The following TCF12 variants were observed in gnomAD, a reference collection of about 807,000 sequenced individuals.
TCF12 encodes the protein DNA-binding protein HTF4.
TCF12 carries 45 observed loss-of-function variants against 86.0 expected under a neutral mutation model. The observed-to-expected ratio is 0.52, with a 90% confidence interval of 0.41 to 0.67. TCF12 has a LOEUF of 0.67. Ranked by LOEUF, TCF12 falls within the 30% of genes least tolerant of loss-of-function variation. TCF12 has a pLI of 0.00. For missense variants in TCF12, 881 were observed against 859.9 expected, an observed-to-expected ratio of 1.02 and a Z score of -0.31; for synonymous variants, 330 against 299.6, an observed-to-expected ratio of 1.10 and a Z score of -1.05.
intron 12 of TCF12, among the ~76,000 whole-genome samples, chr15:57,242,254 A>G (rs1476523960): frequency 6.6e-6 from 1 of 152,178 alleles, no homozygotes; most frequent in Non-Finnish European, 1.5e-5. Context: ...TTTGACCACA[A>G]TTTATCCATA....
At chr15:57,104,861 G>GTTTTTTTTT (rs11336613) in intron 5 of TCF12, among the ~76,000 whole-genome samples, 119 of 71,490 alleles carry the variant, frequency 1.7e-3, no homozygotes, top group South Asian at 2.1e-3. Flanking sequence ...CTTTGGTGGT[G>GTTTTTTTTT]TTTTTTTTTT....
intron 3 of TCF12, among the ~76,000 whole-genome samples, chr15:57,056,522 A>C (rs1260683545): frequency 6.6e-6 from 1 of 152,146 alleles, no homozygotes; most frequent in Non-Finnish European, 1.5e-5. Flanking sequence ...GCAGTGATGC[A>C]ATCTCAGTTC....
chr15:56,970,822 G>T (rs1189579376), intron 3 of TCF12, among the ~76,000 whole-genome samples: 1 of 152,006 alleles, frequency 6.6e-6, no homozygotes, highest in African/African-American at 2.4e-5. Flanking sequence ...ACCTGAGGCA[G>T]AAGAAATGCT....
chr15:57,103,869 G>A (rs12909402), intron 5 of TCF12, among the ~76,000 whole-genome samples: 56,445 of 151,930 alleles, frequency 0.37, 12,442 homozygotes, highest in Non-Finnish European at 0.49. Context: ...TTAGCTGGGC[G>A]TGGTGGTAGA....
intron 16 of TCF12, 36 bp from the exon 17 acceptor site, chr15:57,262,058 A>T: frequency 1.4e-6 from 2 of 1,419,042 alleles, no homozygotes; most frequent in Non-Finnish European, 2.0e-6. Context: ...GAACTATCTT[A>T]ATCTTTTTTT....
intron 4 of TCF12, among the ~76,000 whole-genome samples, chr15:57,066,674 T>C (rs2068903709): frequency 6.6e-6 from 1 of 152,212 alleles, no homozygotes; most frequent in Non-Finnish European, 1.5e-5. Context: ...ATATACCTGC[T>C]TTAAACTTAA....
rs2059170220 is a variant in TCF12 at position 57,232,272 on chromosome 15, A to G, written c.686-19A>G. The G allele has an allele frequency of 6.2e-7, 1 of 1,612,646 alleles. No individual in the cohort carries two copies. The highest frequency in any genetic ancestry group is 8.5e-7 in the Non-Finnish European group (1 of 1,179,546). On this transcript the variant is annotated intron_variant, in intron 9 of 20. Transcript: ENST00000333725. ...AATTTTTAGCTAAGGAAAATTTTAT[A>G]TTTCTCTTTTTGTCTTAGATGGGAC... is the stretch of plus-strand genomic sequence containing the variant.
At chr15:57,014,819 G>A (rs1372919550) in intron 3 of TCF12, among the ~76,000 whole-genome samples, 1 of 151,556 alleles carries the variant, frequency 6.6e-6, no homozygotes, top group African/African-American at 2.4e-5. Context: ...GGTCCTTATG[G>A]GTCAAGATAT....
intron 16 of TCF12, among the ~76,000 whole-genome samples, chr15:57,261,216 A>G (rs568354619): frequency 3.3e-5 from 5 of 152,320 alleles, no homozygotes; most frequent in African/African-American, 9.6e-5. Context: ...CTAAATGGCT[A>G]TGTTTCTTAA....
chr15:57,212,209 C>T (rs1212163875), intron 8 of TCF12, among the ~76,000 whole-genome samples: 1 of 152,156 alleles, frequency 6.6e-6, no homozygotes, highest in African/African-American at 2.4e-5. Flanking sequence ...GGCAATGCTT[C>T]ATTTACCTTT....
chr15:57,041,134 A>T (rs2066870415), intron 3 of TCF12, among the ~76,000 whole-genome samples: 1 of 152,202 alleles, frequency 6.6e-6, no homozygotes, highest in Non-Finnish European at 1.5e-5. Context: ...ACATTTGATA[A>T]AACGAAAAAT....
chr15:57,144,512 C>A (rs1053382536), intron 5 of TCF12, among the ~76,000 whole-genome samples: 19 of 152,152 alleles, frequency 1.2e-4, no homozygotes, highest in Non-Finnish European at 1.2e-4. Flanking sequence ...TATAGGCTTT[C>A]TTTTCTTATA....
At chr15:57,164,123 A>C (rs1281996353) in intron 5 of TCF12, among the ~76,000 whole-genome samples, 3 of 152,192 alleles carry the variant, frequency 2.0e-5, no homozygotes, top group African/African-American at 7.2e-5. Context: ...CCTCAAAAAT[A>C]CCACATTTGC....
At chr15:57,101,486 A>T (rs771880684) in intron 5 of TCF12, among the ~76,000 whole-genome samples, 1 of 152,206 alleles carries the variant, frequency 6.6e-6, no homozygotes, top group Non-Finnish European at 1.5e-5. Context: ...CTACGATTAC[A>T]AGCGTGAGCC....
At chr15:57,194,231 A>G (rs1380989757) in intron 7 of TCF12, among the ~76,000 whole-genome samples, 1 of 149,956 alleles carries the variant, frequency 6.7e-6, no homozygotes, top group Non-Finnish European at 1.5e-5. Context: ...TTTGATTATG[A>G]TGATAGACAC....
At chr15:57,192,107 TG>T (rs2151710326) in intron 6 of TCF12, 50 bp from the exon 7 acceptor site, 1 of 1,596,572 alleles carries the variant, frequency 6.3e-7, no homozygotes, top group East Asian at 2.2e-5. Context: ...TTTTCAGGTT[TG>T]GGTCAGTATC....
chr15:57,180,923 T>G (rs1462226171), intron 6 of TCF12, among the ~76,000 whole-genome samples: 2 of 146,578 alleles, frequency 1.4e-5, no homozygotes, highest in African/African-American at 5.1e-5. Context: ...CCCGCCATTC[T>G]CCTGCCTCAG....
At chr15:57,200,303 C>A (rs1353041244) in intron 8 of TCF12, among the ~76,000 whole-genome samples, 1 of 152,014 alleles carries the variant, frequency 6.6e-6, no homozygotes, top group Non-Finnish European at 1.5e-5. Context: ...CAAAATATGT[C>A]CTAAGAACAC....
intron 3 of TCF12, among the ~76,000 whole-genome samples, chr15:56,993,830 A>G (rs1051538540): frequency 2.6e-5 from 4 of 152,364 alleles, no homozygotes; most frequent in South Asian, 2.1e-4. Context: ...TTTCATAGCA[A>G]TATGTTAAAA....
Sources: gnomAD v4.1 joint callset for allele counts (sites outside exome capture counted in the v4.1 genomes callset) on GRCh38, gnomAD v4.1.1 for gene constraint, MANE v1.5 for transcripts, NCBI Gene and HGNC (gene_info 2026-07-23, HGNC 2026-07-21) for gene names.